The following RACGAP1 variants were observed in gnomAD, a reference collection of about 807,000 sequenced individuals.
RACGAP1 encodes Rac GTPase activating protein 1.
Under a neutral mutation model 78.1 loss-of-function variants are expected in RACGAP1, and 30 were observed. The ratio of observed to expected loss-of-function variants is 0.38; its 90% confidence interval spans 0.29 to 0.52. The LOEUF (loss-of-function observed/expected upper bound fraction) is 0.52, where lower values mean the gene tolerates loss of function less well. Ranked by LOEUF, RACGAP1 falls within the 20% of genes least tolerant of loss-of-function variation. RACGAP1 has a pLI of 0.82. For missense variants in RACGAP1, 587 were observed against 777.1 expected (o/e 0.76, Z 2.91); for synonymous variants, 231 against 264.8 (o/e 0.87, Z 1.24).
At chr12:49,999,030 G>A (rs1363397447) in intron 9 of RACGAP1, 111 bp downstream of exon 9, 3 of 1,290,878 alleles carry the variant, frequency 2.3e-6, no homozygotes, top group African/African-American at 3.0e-5. Context: ...TTGGAATGAG[G>A]AAGGAAATTT....
Position 49,999,647 on chromosome 12 carries a change from C to G in RACGAP1, c.717G>C (p.Val239=). 6.2e-7 allele frequency: 1 copy of G among 1,614,170 alleles called. No homozygotes were observed. Among genetic ancestry groups the G allele is most frequent in the East Asian group, 2.2e-5 (1 of 44,888 alleles). The change falls in exon 8 of 17, where the codon GTG becomes GTC. Residue 239 remains valine, a synonymous_variant. Transcript: ENST00000312377. ...PIEAVSTIET[V]PYWTRSRRKT... Reference sequence around the variant, plus strand: ...TCCTTCGGCTCCTGGTCCAATATGGCACAGTCTCAATAGTGGACACAGCTT... The same window carrying G: ...TCCTTCGGCTCCTGGTCCAATATGGGACAGTCTCAATAGTGGACACAGCTT...
chr12:50,027,993 G>A (rs960120197), upstream of RACGAP1, among the ~76,000 whole-genome samples: 37 of 152,160 alleles, frequency 2.4e-4, no homozygotes, highest in Admixed American at 7.9e-4. Flanking sequence ...GGCAAAGTAG[G>A]ATGAGACCAC....
At chr12:50,004,358 T>C in intron 4 of RACGAP1, 54 bp from the exon 5 acceptor site, 4 of 1,548,924 alleles carry the variant, frequency 2.6e-6, no homozygotes, top group Admixed American at 1.7e-5. Context: ...GAATGTAAAA[T>C]TCACCAACAT....
rs1565687272 is a variant in RACGAP1 at position 50,010,317 on chromosome 12, A to AT, written c.86-3682_86-3681insA. On this transcript the variant is annotated intron_variant, in intron 2 of 16. Transcript: ENST00000312377. ...ACTTGGACTTAGCTCTCTTTTTTTA[A>AT]CTTTTTTTTTTTTTTCTTTTTTAAG... 2.4e-3 allele frequency among the ~76,000 whole-genome samples: 335 copies of AT among 139,916 alleles called. 3 individuals carry two copies. The highest frequency in any genetic ancestry group is 9.5e-3 in the African/African-American group (315 of 33,088). The allele number at this position is 139,916 out of a possible 152,430, so 91.8% of individuals were successfully genotyped here. A position where few individuals can be genotyped will look rare whatever the true frequency, so the allele number is the denominator to read the frequency against.
chr12:50,018,143 G>C (rs1402776916), intron 1 of RACGAP1, among the ~76,000 whole-genome samples: 2 of 127,732 alleles, frequency 1.6e-5, no homozygotes, highest in African/African-American at 5.4e-5. Flanking sequence ...GGGTGCCAGA[G>C]TAAGACTCTG....
intron 15 of RACGAP1, among the ~76,000 whole-genome samples, chr12:49,991,475 ATATATTTT>A (rs1363833797): frequency 5.9e-5 from 2 of 33,922 alleles, no homozygotes; most frequent in African/African-American, 1.7e-4. Context: ...ATATATATAT[ATATATTTT>A]TTTTTTTTTT....
At chr12:50,025,582 G>A (rs958136861), upstream of RACGAP1, 5 of 975,406 alleles carry the variant, frequency 5.1e-6, no homozygotes, top group African/African-American at 7.0e-5. Flanking sequence ...CGGAGGTGAC[G>A]GGAACGGGAA....
chr12:49,992,181 T>C, intron 14 of RACGAP1, 48 bp from the exon 15 acceptor site: 1 of 1,612,656 alleles, frequency 6.2e-7, no homozygotes, highest in Non-Finnish European at 8.5e-7. Flanking sequence ...TCAGGGCTTC[T>C]CAACTGTCTT....
chr12:49,996,701 G>C (rs781031518), intron 10 of RACGAP1, among the ~76,000 whole-genome samples: 4 of 125,526 alleles, frequency 3.2e-5, no homozygotes, highest in Non-Finnish European at 6.5e-5. Context: ...GAAGTTAAGT[G>C]ATAAGAACCA....
At position 50,006,646 on chromosome 12, in the gene RACGAP1, G is replaced by C. The variant is rs1340396394; in HGVS notation, c.86-10C>G. On this transcript the variant is annotated splice_polypyrimidine_tract_variant and intron_variant, in intron 2 of 16. Coordinates refer to ENST00000312377, the MANE Select transcript of RACGAP1 (RefSeq NM_001319999.2). The stretch of plus-strand genomic sequence containing the variant: ...GCCAACTGGATAAATTCTGAGGAAA[G>C]GGGGAATCTTTAATAATTCAAGCAC... The C allele has an allele frequency of 6.2e-7, 1 of 1,612,548 alleles. No individual in the cohort carries two copies. The highest frequency in any genetic ancestry group is 1.1e-5 in the South Asian group (1 of 90,924).
intron 9 of RACGAP1, among the ~76,000 whole-genome samples, chr12:49,998,297 G>A (rs1242390756): frequency 2.0e-5 from 3 of 152,144 alleles, no homozygotes; most frequent in East Asian, 3.9e-4. Flanking sequence ...CCAGCTACTC[G>A]GGAGGCTGAG....
chr12:50,015,615 C>T (rs1054672377), intron 2 of RACGAP1, among the ~76,000 whole-genome samples: 4 of 151,888 alleles, frequency 2.6e-5, no homozygotes, highest in African/African-American at 9.7e-5. Context: ...TCCTGGCTAA[C>T]ACAGCGAAAC....
intron 15 of RACGAP1, 96 bp from the exon 16 acceptor site, chr12:49,990,888 A>T (rs1179054104): frequency 9.1e-6 from 8 of 874,854 alleles, no homozygotes; most frequent in Admixed American, 4.4e-5. Flanking sequence ...GAAGCACTTA[A>T]GAGCTAAGGT....
chr12:50,011,252 T>C (rs1423926496), intron 2 of RACGAP1, among the ~76,000 whole-genome samples: 1 of 149,362 alleles, frequency 6.7e-6, no homozygotes, highest in East Asian at 2.0e-4. Flanking sequence ...GAGGATCACT[T>C]GAACCCACGA....
intron 16 of RACGAP1, 131 bp from the exon 17 acceptor site, chr12:49,990,474 G>A: frequency 1.1e-6 from 1 of 874,744 alleles, no homozygotes; most frequent in African/African-American, 1.7e-5. Context: ...AGTTGCTTAA[G>A]TATTCTTAGT....
chr12:50,015,426 T>C (rs1949601667), intron 2 of RACGAP1, among the ~76,000 whole-genome samples: 1 of 152,046 alleles, frequency 6.6e-6, no homozygotes, highest in Non-Finnish European at 1.5e-5. Context: ...TCTCATCACT[T>C]TGGGAGGCAG....
At chr12:49,996,956 TA>T in intron 10 of RACGAP1, 83 bp downstream of exon 10, 1 of 1,382,166 alleles carries the variant, frequency 7.2e-7, no homozygotes, top group Non-Finnish European at 9.5e-7. Flanking sequence ...TTGAGATGAT[TA>T]ATTTTAGAAC....
At chr12:50,013,584 T>TC (rs533084026) in intron 2 of RACGAP1, among the ~76,000 whole-genome samples, 51 of 152,280 alleles carry the variant, frequency 3.3e-4, no homozygotes, top group African/African-American at 1.2e-3. Context: ...TGTACCAGCA[T>TC]CCACCTCTAA....
chr12:49,991,457 T>C (rs1480267855), intron 15 of RACGAP1, among the ~76,000 whole-genome samples: 2 of 27,412 alleles, frequency 7.3e-5, no homozygotes, highest in Non-Finnish European at 1.7e-4. Context: ...ATTTAAACTA[T>C]TATATATATA....
Sources: allele counts gnomAD v4.1 joint callset (sites outside exome capture counted in the v4.1 genomes callset), GRCh38; gene constraint gnomAD v4.1.1; transcripts MANE v1.5; gene names NCBI Gene and HGNC (gene_info 2026-07-23, HGNC 2026-07-21).